LRCH3: variants seen among roughly 807,000 people sequenced by gnomAD.
LRCH3 encodes leucine rich repeats and calponin homology domain containing 3.
LRCH3 carries 68 observed loss-of-function variants against 104.5 expected under a neutral mutation model. That is an observed-to-expected ratio of 0.65 (90% CI 0.54 to 0.80). LRCH3 has a LOEUF of 0.80. Ranked by LOEUF, LRCH3 falls within the 30% of genes least tolerant of loss-of-function variation. The pLI, the probability that LRCH3 is intolerant of heterozygous loss-of-function variation, is 0.00. For missense variants in LRCH3, 951 were observed against 953.9 expected (o/e 1.00, Z 0.04); for synonymous variants, 344 against 361.3 (o/e 0.95, Z 0.54).
At chr3:197,797,874 CAAAAAAAA>C (rs1731422964) in intron 1 of LRCH3, among the ~76,000 whole-genome samples, 1 of 15,778 alleles carries the variant, frequency 6.3e-5, no homozygotes, top group East Asian at 4.0e-3. Flanking sequence ...AAAAAAAAAA[CAAAAAAAA>C]CAAAAAAAAA....
chr3:197,803,049 AGTT>A (rs1732072891), intron 1 of LRCH3, among the ~76,000 whole-genome samples: 3 of 152,338 alleles, frequency 2.0e-5, no homozygotes, highest in Admixed American at 2.0e-4. Context: ...ATGTGCTAAG[AGTT>A]GTTTTCTCAA....
intron 4 of LRCH3, among the ~76,000 whole-genome samples, chr3:197,825,451 T>C (rs1735052198): frequency 6.8e-6 from 1 of 147,716 alleles, no homozygotes; most frequent in Non-Finnish European, 1.5e-5. Flanking sequence ...GACCTCTTTG[T>C]TGATCCTCTT....
Position 197,832,270 on chromosome 3 carries a change from G to T in LRCH3, c.1055G>T (p.Ser352Ile), listed in dbSNP as rs185178446. 12 of 1,614,028 alleles carry T rather than the reference G, an allele frequency of 7.4e-6. No individual in the cohort carries two copies. In the East Asian group the frequency reaches 2.5e-4, roughly 33 times the overall value. Residue 352 changes from serine (S) to isoleucine (I), a missense_variant, in exon 8 of 21, where the codon AGC becomes ATC. Coordinates refer to ENST00000425562, the MANE Select transcript of LRCH3 (RefSeq NM_001365715.1). The stretch of plus-strand genomic sequence containing the variant: ...AAAGAACAAAGACTACGAAGAGAAA[G>T]CCAGTACCAAGAGAACCGCGGCAGT... ...ITKEQRLRRESQYQENRGSLV... is the reference protein window; with the variant it reads ...ITKEQRLRREIQYQENRGSLV...
chr3:197,880,090 C>G (rs532335853), intron 20 of LRCH3, among the ~76,000 whole-genome samples: 3 of 151,120 alleles, frequency 2.0e-5, no homozygotes, highest in Non-Finnish European at 4.4e-5. Flanking sequence ...GGACTACAGG[C>G]GCCCGCCACC....
intron 1 of LRCH3, among the ~76,000 whole-genome samples, chr3:197,804,613 T>C (rs956017048): frequency 6.6e-6 from 1 of 152,182 alleles, no homozygotes; most frequent in African/African-American, 2.4e-5. Context: ...GCTCTACTAC[T>C]CATTGGTGTA....
chr3:197,850,860 G>C (rs886824882), intron 12 of LRCH3: 20 of 972,166 alleles, frequency 2.1e-5, no homozygotes, highest in African/African-American at 8.0e-5. Flanking sequence ...GGCCTGAGCA[G>C]TTCCACGAGT....
At position 197,881,387 on chromosome 3, in the gene LRCH3, C is replaced by T. The variant is rs1024582849; in HGVS notation, c.2209-2154C>T. 3 of 986,794 alleles carry T rather than the reference C, an allele frequency of 3.0e-6. No individual in the cohort carries two copies. The African/African-American group carries it at 5.2e-5, about 17-fold the overall frequency. 61.1% of individuals were successfully genotyped at this position (986,794 alleles called of 1,614,324 possible). A position where few individuals can be genotyped will look rare whatever the true frequency, so the allele number is the denominator to read the frequency against. On this transcript the variant is annotated intron_variant, in intron 20 of 20. Coordinates refer to ENST00000425562, the MANE Select transcript of LRCH3 (RefSeq NM_001365715.1). ...ATTCCCTAGACTGCTCTTCTGAGCCCAGTCTATACGCTGTATGTGCTGCAC... is the reference window on the plus strand; with the variant it reads ...ATTCCCTAGACTGCTCTTCTGAGCCTAGTCTATACGCTGTATGTGCTGCAC...
intron 1 of LRCH3, among the ~76,000 whole-genome samples, chr3:197,807,584 A>G (rs1384942718): frequency 6.6e-6 from 1 of 152,136 alleles, no homozygotes; most frequent in South Asian, 2.1e-4. Context: ...TGTCTTTTAG[A>G]TAATTTGTAT....
chr3:197,825,961 T>C (rs1318142978), intron 4 of LRCH3, among the ~76,000 whole-genome samples: 1 of 152,154 alleles, frequency 6.6e-6, no homozygotes, highest in Non-Finnish European at 1.5e-5. Flanking sequence ...GACCTTCTCT[T>C]TCTGAAACTA....
chr3:197,799,984 A>C (rs1436756356), intron 1 of LRCH3, among the ~76,000 whole-genome samples: 1 of 151,734 alleles, frequency 6.6e-6, no homozygotes, highest in African/African-American at 2.4e-5. Flanking sequence ...GTTCAAGACG[A>C]GCCTGGCCAT....
intron 4 of LRCH3, among the ~76,000 whole-genome samples, chr3:197,826,501 GAGA>G (rs1455919247): frequency 2.0e-5 from 3 of 152,176 alleles, no homozygotes; most frequent in Admixed American, 6.5e-5. Context: ...GGGAACATTG[GAGA>G]AGGATAGTGC....
intron 8 of LRCH3, 95 bp from the exon 9 acceptor site, chr3:197,835,578 GA>G (rs1736666498): frequency 1.4e-5 from 18 of 1,319,056 alleles, no homozygotes; most frequent in Middle Eastern, 5.7e-4. Context: ...AAATCATGGG[GA>G]AAAGGAAATA....
chr3:197,798,825 G>A (rs942469537), intron 1 of LRCH3, among the ~76,000 whole-genome samples: 1 of 152,306 alleles, frequency 6.6e-6, no homozygotes, highest in East Asian at 1.9e-4. Context: ...CTAGCCGTAA[G>A]TGGTTATTAA....
At chr3:197,808,172 A>G (rs1357588879) in intron 1 of LRCH3, among the ~76,000 whole-genome samples, 2 of 152,220 alleles carry the variant, frequency 1.3e-5, no homozygotes, top group Admixed American at 1.3e-4. Flanking sequence ...AGTCAATACA[A>G]GTGATGTCCC....
chr3:197,865,991 T>TA, intron 16 of LRCH3, 121 bp from the exon 17 acceptor site: 1 of 712,760 alleles, frequency 1.4e-6, no homozygotes. Context: ...TTTTCATCAT[T>TA]AAATAGAATT....
intron 12 of LRCH3, chr3:197,850,370 C>CTTTT: frequency 8.4e-6 from 6 of 710,368 alleles, no homozygotes; most frequent in East Asian, 6.1e-5. Context: ...TTTTTTTTTC[C>CTTTT]TTTTAATTAC....
In LRCH3 at chr3:197,854,382, A is replaced by C. The variant is rs1157233458; in HGVS notation, c.1591-10A>C. The C allele has an allele frequency of 6.2e-7, 1 of 1,613,718 alleles. No individual in the cohort carries two copies. Among genetic ancestry groups the C allele is most frequent in the African/African-American group, 1.3e-5 (1 of 75,032 alleles). On this transcript the variant is annotated splice_polypyrimidine_tract_variant and intron_variant, in intron 13 of 20. Coordinates refer to ENST00000425562, the MANE Select transcript of LRCH3 (RefSeq NM_001365715.1). This position sits in a 1 kb window ranked among gnomAD's most constrained non-coding sequence, Gnocchi z 4.5. ...TTCTGACATGGCTTCATTTTTCTCC[A>C]TCTCTCCAGTGCCCCTTCCCATCCA...
chr3:197,845,859 G>A (rs538688157), intron 10 of LRCH3, among the ~76,000 whole-genome samples: 117 of 152,314 alleles, frequency 7.7e-4, no homozygotes, highest in African/African-American at 2.7e-3. Flanking sequence ...GAGCGAGATC[G>A]TGCCACTGCA....
At chr3:197,834,941 G>C (rs142921380) in intron 8 of LRCH3, among the ~76,000 whole-genome samples, 1,980 of 152,098 alleles carry the variant, frequency 0.013, 23 homozygotes, top group Non-Finnish European at 0.017. Flanking sequence ...CCCAGGAGTT[G>C]GAGACCAGCC....
Sources: allele counts gnomAD v4.1 joint callset (sites outside exome capture counted in the v4.1 genomes callset), GRCh38; gene constraint gnomAD v4.1.1; non-coding constraint Gnocchi (gnomAD v3.1); transcripts MANE v1.5; gene names NCBI Gene and HGNC (gene_info 2026-07-23, HGNC 2026-07-21).